The following MED27 variants were observed in gnomAD, a reference collection of about 807,000 sequenced individuals.
The protein encoded by MED27 is mediator of RNA polymerase II transcription subunit 27.
In MED27, 30 loss-of-function variants were observed where a neutral mutation model predicts 38.2. The observed-to-expected ratio is 0.79, with a 90% CI of 0.59 to 1.07. The LOEUF (loss-of-function observed/expected upper bound fraction) is 1.07. Ranked by LOEUF, MED27 falls within the 50% of genes least tolerant of loss-of-function variation. The pLI, the probability that MED27 is intolerant of heterozygous loss-of-function variation, is 0.00. For synonymous variants in MED27, 122 were observed against 153.5 expected (o/e 0.79, Z 1.52); for missense variants, 289 against 397.5 (o/e 0.73, Z 2.32).
At chr9:131,973,404 C>T (rs1207850767) in intron 3 of MED27, among the ~76,000 whole-genome samples, 13 of 152,010 alleles carry the variant, frequency 8.6e-5, no homozygotes, top group South Asian at 4.2e-4. Context: ...ATGAAGAAAT[C>T]GGCCGCAGGG....
chr9:131,899,652 C>A (rs184448716), intron 4 of MED27, among the ~76,000 whole-genome samples: 2 of 152,150 alleles, frequency 1.3e-5, no homozygotes, highest in Non-Finnish European at 2.9e-5. Flanking sequence ...CCTTTCTCTT[C>A]GGAGTGTGGT....
At chr9:132,028,715 A>G (rs932101647) in intron 2 of MED27, among the ~76,000 whole-genome samples, 1 of 152,236 alleles carries the variant, frequency 6.6e-6, no homozygotes, top group East Asian at 1.9e-4. Context: ...CAAGGACATT[A>G]TAGCCTTCAA....
chr9:132,002,820 C>A (rs535168524), intron 3 of MED27, among the ~76,000 whole-genome samples: 1 of 148,688 alleles, frequency 6.7e-6, no homozygotes, highest in Admixed American at 6.9e-5. Flanking sequence ...GAGGGTGACA[C>A]AGCAGAACCG....
At chr9:132,058,433 G>A (rs751114943) in intron 2 of MED27, among the ~76,000 whole-genome samples, 6 of 152,078 alleles carry the variant, frequency 3.9e-5, no homozygotes, top group Non-Finnish European at 7.4e-5. Flanking sequence ...CACAAGATCT[G>A]ATGGTATCAT....
At chr9:131,958,758 C>G (rs1360518336) in intron 3 of MED27, among the ~76,000 whole-genome samples, 1 of 152,158 alleles carries the variant, frequency 6.6e-6, no homozygotes, top group Non-Finnish European at 1.5e-5. Context: ...AAGACTCAGG[C>G]ACCAAGCTTG....
intron 3 of MED27, among the ~76,000 whole-genome samples, chr9:132,013,494 A>G (rs953357572): frequency 6.6e-6 from 1 of 152,252 alleles, no homozygotes; most frequent in Non-Finnish European, 1.5e-5. Context: ...ACGGATGTAC[A>G]TGAGTGTGAA....
At chr9:131,945,852 C>T (rs971338813) in intron 3 of MED27, among the ~76,000 whole-genome samples, 13 of 149,890 alleles carry the variant, frequency 8.7e-5, no homozygotes, top group Non-Finnish European at 1.9e-4. Flanking sequence ...CCTATAGTCC[C>T]AGCTACTTGG....
chr9:131,959,597 G>A lies in MED27; in HGVS notation c.480-20123C>T, dbSNP rs139593904. 4.9e-4 allele frequency among the ~76,000 whole-genome samples: 75 copies of A among 152,182 alleles called. No individual in the cohort carries two copies. The East Asian group carries it at 0.011, about 23-fold the overall frequency. ...TCTTTAGACAAGGTAATCTCTAAGG[G>A]TCCTTCCAGCTCTAGTCAGTTCGAT... On this transcript the variant is annotated intron_variant, in intron 3 of 7. Coordinates refer to ENST00000292035, the MANE Select transcript of MED27 (RefSeq NM_004269.4).
In MED27 at chr9:131,936,147, AAAAG is replaced by A. The variant is rs1216976803; in HGVS notation, c.573+3230_573+3233del. Among the ~76,000 whole-genome samples the A allele has an allele frequency of 3.5e-3, 524 of 150,530 alleles. 6 individuals carry two copies. The highest frequency in any genetic ancestry group is 0.025 in the East Asian group (129 of 5,134). On this transcript the variant is annotated intron_variant, in intron 4 of 7. Coordinates refer to ENST00000292035, the MANE Select transcript of MED27 (RefSeq NM_004269.4). ...GACCCTGTCTCAAAAAAAAAAAAAA[AAAAG>A]AAAGAAAGAAAGAAAGAAAGAAAAA...
chr9:132,079,632 C>T lies in MED27; in HGVS notation c.203+10G>A, dbSNP rs769234780. 3 of 1,612,282 alleles carry T rather than the reference C, an allele frequency of 1.9e-6. No homozygotes were observed. The highest frequency in any genetic ancestry group is 1.7e-6 in the Non-Finnish European group (2 of 1,179,814). Reference sequence around the variant, plus strand: ...GGTCCCCGACCCCGGCCCCTTCAGCCGGTACCTACTTGAGGTCCCGGTTGA... The same window carrying T: ...GGTCCCCGACCCCGGCCCCTTCAGCTGGTACCTACTTGAGGTCCCGGTTGA... On this transcript the variant is annotated intron_variant, in intron 1 of 7. Coordinates refer to ENST00000292035, the MANE Select transcript of MED27 (RefSeq NM_004269.4).
chr9:131,937,978 T>C (rs1224897450), intron 4 of MED27, among the ~76,000 whole-genome samples: 1 of 152,210 alleles, frequency 6.6e-6, no homozygotes, highest in East Asian at 1.9e-4. Context: ...GTTTCCCTTT[T>C]CTATGAAAAA....
At position 132,079,753 on chromosome 9, in the gene MED27, A is replaced by G; in HGVS notation, c.92T>C (p.Val31Ala). The change falls in exon 1 of 8, where the codon GTG (valine) becomes GCG (alanine). Residue 31 changes from valine to alanine, a missense_variant. Transcript: ENST00000292035. ...CATCCCATCCTTCAGGCAGTCGAAC[A>G]CCCTGCTCACGCTGGAGCGCAGCGC... is the stretch of plus-strand genomic sequence containing the variant. ...IQALRSSVSR[V>A]FDCLKDGMRN... 1 of 1,614,044 alleles carries G rather than the reference A, an allele frequency of 6.2e-7. No individual in the cohort carries two copies. The highest frequency in any genetic ancestry group is 2.2e-5 in the East Asian group (1 of 44,852).
chr9:132,050,428 G>A (rs919953681), intron 2 of MED27, among the ~76,000 whole-genome samples: 1 of 152,192 alleles, frequency 6.6e-6, no homozygotes, highest in African/African-American at 2.4e-5. Flanking sequence ...ACAGCCCGTG[G>A]GAAGACAGCC....
chr9:131,964,322 G>GGAGGGT (rs377290621), intron 3 of MED27, among the ~76,000 whole-genome samples: 1 of 66 alleles, frequency 0.015, no homozygotes, highest in Non-Finnish European at 0.028. Flanking sequence ...TGGTGCTGGT[G>GGAGGGT]GTGGAGGTGA....
intron 2 of MED27, among the ~76,000 whole-genome samples, chr9:132,035,512 G>A (rs772257215): frequency 4.6e-5 from 7 of 152,176 alleles, no homozygotes; most frequent in Admixed American, 1.3e-4. Flanking sequence ...GGGTGGTGAC[G>A]AGAGGGCCGC....
chr9:131,934,987 A>T (rs1430249635), intron 4 of MED27, among the ~76,000 whole-genome samples: 1 of 152,174 alleles, frequency 6.6e-6, no homozygotes, highest in African/African-American at 2.4e-5. Flanking sequence ...TTATGTTCTC[A>T]TCTATTTGTG....
chr9:131,994,967 C>T (rs1057046309), intron 3 of MED27, among the ~76,000 whole-genome samples: 5 of 152,042 alleles, frequency 3.3e-5, no homozygotes, highest in African/African-American at 9.7e-5. Context: ...CAAACTCACT[C>T]GGGGTGACAG....
rs143288588 is a variant in MED27, at chr9:131,997,432, G to A, written c.479+16905C>T. ...GGAGCCACCTGCATATGGTGACTGA[G>A]TGAGGCAGGGGTACAAAGGCCCAGA... On this transcript the variant is annotated intron_variant, in intron 3 of 7. Coordinates refer to ENST00000292035, the MANE Select transcript of MED27 (RefSeq NM_004269.4). This position sits in a 1 kb window ranked among gnomAD's most constrained non-coding sequence, Gnocchi z 4.0. Among the ~76,000 whole-genome samples, 7 of 152,324 alleles carry A rather than the reference G, an allele frequency of 4.6e-5. No individual in the cohort carries two copies. The East Asian group carries it at 1.3e-3, about 29-fold the overall frequency.
chr9:132,002,736 A>G lies in MED27; in HGVS notation c.479+11601T>C, dbSNP rs184886625. 4.5e-3 allele frequency among the ~76,000 whole-genome samples: 691 copies of G among 151,938 alleles called. 6 individuals are homozygous for G. The highest frequency in any genetic ancestry group is 0.016 in the African/African-American group (663 of 41,442). On this transcript the variant is annotated intron_variant, in intron 3 of 7. Coordinates refer to ENST00000292035, the MANE Select transcript of MED27 (RefSeq NM_004269.4). ...AGAGCAGCCCAACCAACATGGTGAAACCCCGTCTCTACTAAAAATAACAAA... is the reference window on the plus strand; with the variant it reads ...AGAGCAGCCCAACCAACATGGTGAAGCCCCGTCTCTACTAAAAATAACAAA...
Sources: gnomAD v4.1 joint callset for allele counts (sites outside exome capture counted in the v4.1 genomes callset) on GRCh38, gnomAD v4.1.1 for gene constraint, Gnocchi (gnomAD v3.1) non-coding constraint, MANE v1.5 for transcripts, NCBI Gene and HGNC (gene_info 2026-07-23, HGNC 2026-07-21) for gene names.